SLC16A7: variants seen among roughly 807,000 people sequenced by gnomAD.
SLC16A7 encodes monocarboxylate transporter 2.
In SLC16A7, 33 loss-of-function variants were observed where a neutral mutation model predicts 34.9. That is an observed-to-expected ratio of 0.94 (90% CI 0.72 to 1.26). SLC16A7 has a LOEUF of 1.26. SLC16A7 is among the 50% of genes most tolerant of loss of function. The pLI, the probability that SLC16A7 is intolerant of heterozygous loss-of-function variation, is 0.00. For synonymous variants in SLC16A7, 201 were observed against 206.6 expected (o/e 0.97, Z 0.23); for missense variants, 573 against 578.1 (o/e 0.99, Z 0.09).
At position 59,774,605 on chromosome 12, in the gene SLC16A7, G is replaced by A; in HGVS notation, c.362-52G>A. 3.5e-6 allele frequency: 4 copies of A among 1,132,438 alleles called. No individual in the cohort carries two copies. The Middle Eastern group carries it at 8.9e-4, about 251-fold the overall frequency. 70.1% of individuals were successfully genotyped at this position (1,132,438 alleles called of 1,614,324 possible). The stretch of plus-strand genomic sequence containing the variant: ...CATTTTGAGGAGTAATTTCTTTTGT[G>A]AGTGCCATAATGTGTTTGTGTTTTC... On this transcript the variant is annotated intron_variant, in intron 4 of 5. Transcript: ENST00000547379.
At chr12:59,741,644 GCAAGGAAACAT>G (rs1380375585) in intron 3 of SLC16A7, among the ~76,000 whole-genome samples, 4 of 152,176 alleles carry the variant, frequency 2.6e-5, no homozygotes, top group Admixed American at 2.6e-4. Flanking sequence ...CTTTCAAGAA[GCAAGGAAACAT>G]CAATTTGAAT....
chr12:59,659,065 A>AT (rs1868689704), intron 2 of SLC16A7, among the ~76,000 whole-genome samples: 1 of 152,010 alleles, frequency 6.6e-6, no homozygotes. Context: ...TAGTTTTATT[A>AT]TTTTGCCTCG....
intron 3 of SLC16A7, among the ~76,000 whole-genome samples, chr12:59,765,405 C>T (rs1881491660): frequency 6.6e-6 from 1 of 152,162 alleles, no homozygotes; most frequent in Admixed American, 6.5e-5. Flanking sequence ...GAAGTCCTTG[C>T]CCATGCCTAT....
chr12:59,599,031 G>A (rs763148160), intron 1 of SLC16A7, among the ~76,000 whole-genome samples: 5 of 152,190 alleles, frequency 3.3e-5, no homozygotes, highest in Non-Finnish European at 7.4e-5. Context: ...TTGAGCTGGG[G>A]CAAGCACCGA....
chr12:59,624,687 C>G (rs1320542223), intron 1 of SLC16A7, among the ~76,000 whole-genome samples: 1 of 151,192 alleles, frequency 6.6e-6, no homozygotes. Flanking sequence ...TTTTTTGTTC[C>G]CCACTATTAG....
chr12:59,722,018 A>G (rs1272120519), intron 3 of SLC16A7, among the ~76,000 whole-genome samples: 1 of 151,844 alleles, frequency 6.6e-6, no homozygotes, highest in Non-Finnish European at 1.5e-5. Flanking sequence ...TCATGACTGT[A>G]GCTCATATTT....
chr12:59,653,723 C>A (rs1416895170), intron 1 of SLC16A7, among the ~76,000 whole-genome samples: 1 of 151,554 alleles, frequency 6.6e-6, no homozygotes, highest in Non-Finnish European at 1.5e-5. Flanking sequence ...TTGGAATTTA[C>A]AAAGTAAACA....
chr12:59,672,844 C>T (rs2137056093), intron 2 of SLC16A7, among the ~76,000 whole-genome samples: 1 of 152,228 alleles, frequency 6.6e-6, no homozygotes, highest in South Asian at 2.1e-4. Context: ...GCAAGAATGA[C>T]ATTCTTATAT....
chr12:59,727,500 T>G (rs1030184560), intron 3 of SLC16A7, among the ~76,000 whole-genome samples: 1 of 152,152 alleles, frequency 6.6e-6, no homozygotes, highest in Non-Finnish European at 1.5e-5. Flanking sequence ...TTAGTAGAGA[T>G]GCACTTGAGA....
In SLC16A7 at chr12:59,787,757, C is replaced by T. The variant is rs1184979765; in HGVS notation, c.*8078C>T. On this transcript the variant is annotated 3_prime_UTR_variant, in exon 6 of 6. Transcript: ENST00000547379. ...GTGGGCCCTAAAAACATCTGTAGTA[C>T]GTGATGTGTTTGGTTAGATTCAGCC... 3 of 152,218 alleles carry T rather than the reference C, an allele frequency of 2.0e-5. No homozygotes were observed. The highest frequency in any genetic ancestry group is 1.9e-4 in the East Asian group (1 of 5,182). 9.4% of individuals were successfully genotyped at this position (152,218 alleles called of 1,614,324 possible). A position where few individuals can be genotyped will look rare whatever the true frequency, so the allele number is the denominator to read the frequency against.
At chr12:59,712,122 A>G (rs1592552238) in intron 3 of SLC16A7, among the ~76,000 whole-genome samples, 1 of 152,344 alleles carries the variant, frequency 6.6e-6, no homozygotes, top group South Asian at 2.1e-4. Context: ...CAGAGTCATT[A>G]TTAGTAATAA....
chr12:59,747,992 C>A (rs1879078683), intron 3 of SLC16A7, among the ~76,000 whole-genome samples: 1 of 152,106 alleles, frequency 6.6e-6, no homozygotes, highest in Non-Finnish European at 1.5e-5. Context: ...CACCTGAGGT[C>A]AGGAGTTTGA....
intron 2 of SLC16A7, among the ~76,000 whole-genome samples, chr12:59,695,067 G>A (rs1872119588): frequency 6.6e-6 from 1 of 151,790 alleles, no homozygotes. Flanking sequence ...TGGTCCCTAA[G>A]CTGGCCTGTA....
intron 3 of SLC16A7, among the ~76,000 whole-genome samples, chr12:59,714,718 C>A (rs1297945014): frequency 6.6e-6 from 1 of 152,156 alleles, no homozygotes. Flanking sequence ...GTGCCCACCA[C>A]CATGCCCAGC....
At chr12:59,778,270 A>G (rs1882958273) in intron 5 of SLC16A7, among the ~76,000 whole-genome samples, 1 of 152,102 alleles carries the variant, frequency 6.6e-6, no homozygotes, top group Admixed American at 6.6e-5. Context: ...AAATTATGCC[A>G]TTTTTGTTAT....
chr12:59,693,075 T>C (rs889613157), intron 2 of SLC16A7, among the ~76,000 whole-genome samples: 1 of 151,878 alleles, frequency 6.6e-6, no homozygotes, highest in Non-Finnish European at 1.5e-5. Context: ...TTCATTTAGG[T>C]GAAAACATAA....
rs1004002045 is a variant in SLC16A7, at chr12:59,786,701, CTA to C, written c.*7023_*7024del. On this transcript the variant is annotated 3_prime_UTR_variant, in exon 6 of 6. Coordinates refer to ENST00000547379, the MANE Select transcript of SLC16A7 (RefSeq NM_001270623.2). ...GTATCCACATTTTTACCATATAAAA[CTA>C]GACTGGATTAAGGATTTTGCCTAAA... 10 of 152,062 alleles carry C rather than the reference CTA, an allele frequency of 6.6e-5. No homozygotes were observed. The highest frequency in any genetic ancestry group is 2.2e-4 in the African/African-American group (9 of 41,418). 9.4% of individuals were successfully genotyped at this position (152,062 alleles called of 1,614,324 possible). A position where few individuals can be genotyped will look rare whatever the true frequency, so the allele number is the denominator to read the frequency against.
chr12:59,661,030 A>G (rs1010713606), intron 2 of SLC16A7, among the ~76,000 whole-genome samples: 1 of 152,090 alleles, frequency 6.6e-6, no homozygotes, highest in Non-Finnish European at 1.5e-5. Flanking sequence ...GAAACTACAT[A>G]CCCGATCATA....
intron 1 of SLC16A7, among the ~76,000 whole-genome samples, chr12:59,612,757 T>C (rs1592389767): frequency 6.6e-6 from 1 of 152,336 alleles, no homozygotes; most frequent in East Asian, 1.9e-4. Flanking sequence ...GGGCAAATGC[T>C]ACCAGTCTGT....
Sources: gnomAD v4.1 joint callset for allele counts (sites outside exome capture counted in the v4.1 genomes callset) on GRCh38, gnomAD v4.1.1 for gene constraint, MANE v1.5 for transcripts, NCBI Gene and HGNC (gene_info 2026-07-23, HGNC 2026-07-21) for gene names.